The following GRIK2 variants were observed in gnomAD, a reference collection of about 807,000 sequenced individuals.
The protein encoded by GRIK2 is glutamate ionotropic receptor kainate type subunit 2, also known as glutamate receptor ionotropic, kainate 2.
A neutral mutation model predicts 100.3 loss-of-function variants in GRIK2; 32 were observed. The observed-to-expected ratio is 0.32, with a 90% CI of 0.24 to 0.43. The LOEUF (loss-of-function observed/expected upper bound fraction) is 0.43, where lower values mean the gene tolerates loss of function less well. Among genes scored for constraint, GRIK2 ranks in the 20% least tolerant of loss-of-function variants. The pLI, the probability that GRIK2 is intolerant of heterozygous loss-of-function variation, is 1.00. For synonymous variants in GRIK2, 417 were observed against 389.4 expected (o/e 1.07, Z -0.83); for missense variants, 843 against 1,114.9 (o/e 0.76, Z 3.47).
At chr6:101,426,125 A>G (rs1459862375) in intron 2 of GRIK2, among the ~76,000 whole-genome samples, 1 of 152,158 alleles carries the variant, frequency 6.6e-6, no homozygotes, top group African/African-American at 2.4e-5. Flanking sequence ...AGTCTTTATT[A>G]ATAATCTTCC....
intron 11 of GRIK2, among the ~76,000 whole-genome samples, chr6:101,876,898 A>C (rs1785889171): frequency 6.6e-6 from 1 of 151,982 alleles, no homozygotes; most frequent in African/African-American, 2.4e-5. Context: ...GTATGTTATT[A>C]TAAATGGACT....
In GRIK2 at chr6:101,773,246, C is replaced by T. The variant is rs1004577550; in HGVS notation, c.952-26402C>T. Among the ~76,000 whole-genome samples, 62 of 152,000 alleles carry T rather than the reference C, an allele frequency of 4.1e-4. 1 individual carries two copies. Among genetic ancestry groups the T allele is most frequent in the East Asian group, 3.9e-4 (2 of 5,164 alleles). The stretch of plus-strand genomic sequence containing the variant: ...CTGTAATCCCAGCACTTTGGGAGGC[C>T]GAGGCGGGCGGATCACGAGGTGAGG... On this transcript the variant is annotated intron_variant, in intron 7 of 16. Coordinates refer to ENST00000369134, the MANE Select transcript of GRIK2 (RefSeq NM_021956.5).
chr6:101,932,371 G>A lies in GRIK2; in HGVS notation c.2085+3739G>A, dbSNP rs538976845. Among the ~76,000 whole-genome samples the A allele has an allele frequency of 3.9e-4, 59 of 152,068 alleles. 1 individual carries two copies. The highest frequency in any genetic ancestry group is 1.4e-3 in the African/African-American group (58 of 41,518). ...CAAATTGATGTATTCCTAGTCCTGTGTTGCATTCTATACCTTTACATCTCT... is the reference window on the plus strand; with the variant it reads ...CAAATTGATGTATTCCTAGTCCTGTATTGCATTCTATACCTTTACATCTCT... On this transcript the variant is annotated intron_variant, in intron 14 of 16. Coordinates refer to ENST00000369134, the MANE Select transcript of GRIK2 (RefSeq NM_021956.5).
intron 7 of GRIK2, among the ~76,000 whole-genome samples, chr6:101,795,451 C>T (rs1432888973): frequency 1.3e-5 from 2 of 152,130 alleles, no homozygotes; most frequent in African/African-American, 4.8e-5. Context: ...TGTCTTTAGG[C>T]TCCTGTGTGG....
intron 3 of GRIK2, 25 bp from the exon 4 acceptor site, chr6:101,626,355 T>C (rs766786410): frequency 1.3e-6 from 2 of 1,597,692 alleles, no homozygotes; most frequent in South Asian, 2.2e-5. Flanking sequence ...CTCTCATTAT[T>C]GACAGACCTT....
chr6:101,644,495 A>G (rs1174387844), intron 4 of GRIK2, among the ~76,000 whole-genome samples: 1 of 151,762 alleles, frequency 6.6e-6, no homozygotes, highest in African/African-American at 2.4e-5. Flanking sequence ...ATATAACCAT[A>G]TAAGACTAAA....
chr6:101,598,524 G>A (rs373515952), intron 2 of GRIK2, among the ~76,000 whole-genome samples: 1 of 147,840 alleles, frequency 6.8e-6, no homozygotes, highest in Non-Finnish European at 1.5e-5. Context: ...GAAAAGCATG[G>A]TGTGGTAGAA....
intron 7 of GRIK2, among the ~76,000 whole-genome samples, chr6:101,782,755 T>C (rs1779175443): frequency 6.6e-6 from 1 of 152,142 alleles, no homozygotes; most frequent in Non-Finnish European, 1.5e-5. Flanking sequence ...ATGGTAGTTC[T>C]ATTTTTAGTT....
intron 2 of GRIK2, among the ~76,000 whole-genome samples, chr6:101,595,617 CAT>C (rs1360050659): frequency 6.6e-5 from 10 of 150,684 alleles, no homozygotes; most frequent in Non-Finnish European, 1.0e-4. Flanking sequence ...CAAACACACA[CAT>C]GTGTATGCAT....
At chr6:101,586,674 G>A (rs1183743939) in intron 2 of GRIK2, among the ~76,000 whole-genome samples, 1 of 151,458 alleles carries the variant, frequency 6.6e-6, no homozygotes, top group Non-Finnish European at 1.5e-5. Flanking sequence ...TTTGAGACGA[G>A]CCTGGCCAAT....
intron 7 of GRIK2, among the ~76,000 whole-genome samples, chr6:101,692,399 G>A (rs1400149212): frequency 6.6e-6 from 1 of 152,088 alleles, no homozygotes; most frequent in Non-Finnish European, 1.5e-5. Flanking sequence ...TTAATACTGT[G>A]TATTGTATGC....
intron 2 of GRIK2, among the ~76,000 whole-genome samples, chr6:101,430,035 G>T (rs1361709535): frequency 6.6e-6 from 1 of 152,112 alleles, no homozygotes; most frequent in Non-Finnish European, 1.5e-5. Context: ...CCAGCCTTTA[G>T]AGAAATCCTG....
intron 14 of GRIK2, among the ~76,000 whole-genome samples, chr6:102,022,555 T>A (rs902996532): frequency 2.6e-5 from 4 of 151,680 alleles, no homozygotes; most frequent in African/African-American, 7.2e-5. Context: ...CTTATCTTAA[T>A]GCAAAAGAAA....
At chr6:101,957,443 T>TA (rs1188980711) in intron 14 of GRIK2, among the ~76,000 whole-genome samples, 3 of 151,580 alleles carry the variant, frequency 2.0e-5, no homozygotes, top group Non-Finnish European at 4.4e-5. Context: ...TGTAGGTTAT[T>TA]AGTCTTTTGA....
Position 101,828,488 on chromosome 6 carries a change from G to C in GRIK2, c.1317+10005G>C, listed in dbSNP as rs141355686. 4.6e-5 allele frequency among the ~76,000 whole-genome samples: 7 copies of C among 151,788 alleles called. No homozygotes were observed. The East Asian group carries it at 1.4e-3, about 29-fold the overall frequency. On this transcript the variant is annotated intron_variant, in intron 10 of 16. Transcript: ENST00000369134. Reference sequence around the variant, plus strand: ...AAGGATCGATGAAATGAAAAGATGGGTCTTCGAAAGGATAACAACATTGAT... The same window carrying C: ...AAGGATCGATGAAATGAAAAGATGGCTCTTCGAAAGGATAACAACATTGAT...
chr6:101,473,365 G>A (rs575463260), intron 2 of GRIK2, among the ~76,000 whole-genome samples: 3 of 151,646 alleles, frequency 2.0e-5, no homozygotes, highest in Non-Finnish European at 3.0e-5. Context: ...AATGGTACCC[G>A]AGTTTTTCTT....
At position 101,484,901 on chromosome 6, in the gene GRIK2, G is replaced by A. The variant is rs115749807; in HGVS notation, c.115+85509G>A. The stretch of plus-strand genomic sequence containing the variant: ...ATTATTGACAAATAACTTAATCACT[G>A]GAAACATTTATCACTTTTATTGGCG... On this transcript the variant is annotated intron_variant, in intron 2 of 16. Coordinates refer to ENST00000369134, the MANE Select transcript of GRIK2 (RefSeq NM_021956.5). Among the ~76,000 whole-genome samples the A allele has an allele frequency of 2.7e-3, 409 of 152,176 alleles. 2 individuals are homozygous for A. Among genetic ancestry groups the A allele is most frequent in the African/African-American group, 9.5e-3 (394 of 41,548 alleles).
chr6:101,580,351 G>A (rs1465190180), intron 2 of GRIK2, among the ~76,000 whole-genome samples: 1 of 152,224 alleles, frequency 6.6e-6, no homozygotes, highest in Admixed American at 6.5e-5. Flanking sequence ...AACATTTGAA[G>A]TCATTTTTAA....
At chr6:101,777,075 G>C (rs1239229466) in intron 7 of GRIK2, among the ~76,000 whole-genome samples, 1 of 152,212 alleles carries the variant, frequency 6.6e-6, no homozygotes, top group Non-Finnish European at 1.5e-5. Context: ...CATGCAGTCT[G>C]TGTAGTCCAC....
Sources: gnomAD v4.1 joint callset for allele counts (sites outside exome capture counted in the v4.1 genomes callset) on GRCh38, gnomAD v4.1.1 for gene constraint, MANE v1.5 for transcripts, NCBI Gene and HGNC (gene_info 2026-07-23, HGNC 2026-07-21) for gene names.